The following ZNF670 variants were observed in gnomAD, a reference collection of about 807,000 sequenced individuals.
ZNF670 encodes the protein zinc finger protein 670.
ZNF670 carries 7 observed loss-of-function variants against 10.9 expected under a neutral mutation model. The observed-to-expected ratio is 0.64, with a 90% CI of 0.36 to 1.20. The LOEUF (loss-of-function observed/expected upper bound fraction) is 1.20, where lower values mean the gene tolerates loss of function less well. Ranked by LOEUF, ZNF670 falls within the 50% of genes most tolerant of loss-of-function variation. ZNF670 has a pLI of 0.02. For synonymous variants in ZNF670, 136 were observed against 152.7 expected, an observed-to-expected ratio of 0.89 and a Z score of 0.81; for missense variants, 446 against 458.6, an observed-to-expected ratio of 0.97 and a Z score of 0.25.
chr1:247,051,789 T>G (rs559549504), intron 1 of ZNF670, among the ~76,000 whole-genome samples: 1,577 of 151,764 alleles, frequency 0.01, 20 homozygotes, highest in Non-Finnish European at 0.015. Context: ...TTCATTTTTT[T>G]TTTTTTTTTG....
chr1:247,044,249 G>GA (rs900178570), intron 1 of ZNF670, among the ~76,000 whole-genome samples: 120 of 147,074 alleles, frequency 8.2e-4, no homozygotes, highest in African/African-American at 1.8e-3. Context: ...GAAATAATTG[G>GA]AAAAAAAAAA....
rs1208230551 is a variant in ZNF670, at chr1:247,038,811, T to C, written c.190A>G (p.Ser64Gly). 1 of 1,612,278 alleles carries C rather than the reference T, an allele frequency of 6.2e-7. No individual in the cohort carries two copies. The highest frequency in any genetic ancestry group is 8.5e-7 in the Non-Finnish European group (1 of 1,179,002). Residue 64 changes from serine to glycine, a missense_variant and splice_region_variant, in exon 3 of 4, where the codon AGC (serine) becomes GGC (glycine). Ser to Gly is a moderately conservative substitution (Grantham distance 56, BLOSUM62 0). Transcript: ENST00000366503. ...DDFKNPGRNL[S>G]SHVVERLFEI... is the part of the protein sequence containing the mutation. ...TTTGCTCTTGTGAATGCAAATTACC[T>C]TAGATTTCTCCCAGGATTTTTGAAG... is the stretch of plus-strand genomic sequence containing the variant.
chr1:247,046,504 G>A (rs1252534959), intron 1 of ZNF670, among the ~76,000 whole-genome samples: 5 of 152,198 alleles, frequency 3.3e-5, no homozygotes, highest in African/African-American at 9.6e-5. Flanking sequence ...GGAGGCTTCC[G>A]CTTAGTGTTA....
At chr1:247,054,326 G>A (rs761322721) in intron 1 of ZNF670, among the ~76,000 whole-genome samples, 1 of 152,220 alleles carries the variant, frequency 6.6e-6, no homozygotes. Flanking sequence ...ATGCCAGCTG[G>A]CATGGCTAAG....
At chr1:247,077,997 C>G (rs1156840366) in intron 1 of ZNF670, among the ~76,000 whole-genome samples, 1 of 152,168 alleles carries the variant, frequency 6.6e-6, no homozygotes, top group Non-Finnish European at 1.5e-5. Context: ...CAACCACGAA[C>G]CCACCAATTA....
intron 1 of ZNF670, among the ~76,000 whole-genome samples, chr1:247,058,717 A>AAC (rs1207510895): frequency 6.6e-6 from 1 of 151,770 alleles, no homozygotes; most frequent in Non-Finnish European, 1.5e-5. Flanking sequence ...GTTAAAAAAA[A>AAC]AAAAAAAAAC....
chr1:247,038,572 G>A (rs1477171206), intron 3 of ZNF670, 145 bp from the exon 4 acceptor site: 11 of 829,382 alleles, frequency 1.3e-5, no homozygotes, highest in Non-Finnish European at 2.0e-5. Context: ...GTCCCCCATA[G>A]CTATTATCAT....
intron 1 of ZNF670, among the ~76,000 whole-genome samples, chr1:247,066,781 A>G (rs991909366): frequency 8.5e-5 from 13 of 152,104 alleles, no homozygotes; most frequent in African/African-American, 3.1e-4. Context: ...AACATTTACA[A>G]TCTATTCTTT....
chr1:247,068,527 A>G (rs1405840276), intron 1 of ZNF670, among the ~76,000 whole-genome samples: 1 of 150,550 alleles, frequency 6.6e-6, no homozygotes, highest in Non-Finnish European at 1.5e-5. Flanking sequence ...TGGCAAGAAT[A>G]TGGAGAAAAA....
At position 247,036,556 on chromosome 1, in the gene ZNF670, G is replaced by A. The variant is rs544598190; in HGVS notation, c.*893C>T. Among the ~76,000 whole-genome samples, 66 of 152,244 alleles carry A rather than the reference G, an allele frequency of 4.3e-4. No individual in the cohort carries two copies. In the South Asian group the frequency reaches 0.013, roughly 30 times the overall value. On this transcript the variant is annotated 3_prime_UTR_variant, in exon 4 of 4. Coordinates refer to ENST00000366503, the MANE Select transcript of ZNF670 (RefSeq NM_033213.5). Reference sequence around the variant, plus strand: ...ATGTGTCTGTAGCTCCAGCTACATAGGAGGCTAAGGTGGGAGAATCACTTG... The same window carrying A: ...ATGTGTCTGTAGCTCCAGCTACATAAGAGGCTAAGGTGGGAGAATCACTTG...
At chr1:247,076,686 AGTCTCCCTCT>A (rs1190713697) in intron 1 of ZNF670, among the ~76,000 whole-genome samples, 4 of 140,242 alleles carry the variant, frequency 2.9e-5, no homozygotes, top group African/African-American at 1.1e-4. Flanking sequence ...TTTCAAACTG[AGTCTCCCTCT>A]GTCACCCAGG....
chr1:247,064,517 C>G (rs57498207), intron 1 of ZNF670, among the ~76,000 whole-genome samples: 3 of 152,152 alleles, frequency 2.0e-5, no homozygotes, highest in Non-Finnish European at 2.9e-5. Context: ...TGCATTGAAG[C>G]AGAACTTCGT....
intron 1 of ZNF670, among the ~76,000 whole-genome samples, chr1:247,051,782 ATTTTT>A (rs58493948): frequency 2.2e-5 from 3 of 138,216 alleles, no homozygotes; most frequent in African/African-American, 7.8e-5. Context: ...TTCTTTTTTC[ATTTTT>A]TTTTTTTTTT....
intron 1 of ZNF670, among the ~76,000 whole-genome samples, chr1:247,075,192 A>G (rs1325074109): frequency 6.6e-6 from 1 of 152,206 alleles, no homozygotes; most frequent in Non-Finnish European, 1.5e-5. Flanking sequence ...TATTTCCATG[A>G]TAACAAATCA....
At chr1:247,061,540 T>C (rs58947492) in intron 1 of ZNF670, among the ~76,000 whole-genome samples, 4,078 of 152,098 alleles carry the variant, frequency 0.027, 187 homozygotes, top group African/African-American at 0.091. Flanking sequence ...TAGAAAAAAC[T>C]ATACAACGAT....
At chr1:247,044,379 T>C (rs1342259845) in intron 1 of ZNF670, among the ~76,000 whole-genome samples, 1 of 152,150 alleles carries the variant, frequency 6.6e-6, no homozygotes, top group African/African-American at 2.4e-5. Context: ...AGTTCAGCCA[T>C]TGTGAAAAGC....
chr1:247,043,562 T>G, intron 1 of ZNF670: 2 of 657,606 alleles, frequency 3.0e-6, no homozygotes, highest in Middle Eastern at 6.2e-4. Context: ...TCAACAAAGC[T>G]TCCAAAAGTC....
At chr1:247,058,383 T>G (rs1670769922) in intron 1 of ZNF670, among the ~76,000 whole-genome samples, 1 of 152,126 alleles carries the variant, frequency 6.6e-6, no homozygotes, top group African/African-American at 2.4e-5. Context: ...AAGTGGTGCT[T>G]GGAAGAAATT....
At chr1:247,076,658 C>CTT (rs553387815) in intron 1 of ZNF670, among the ~76,000 whole-genome samples, 8,315 of 139,814 alleles carry the variant, frequency 0.059, 316 homozygotes, top group Middle Eastern at 0.073. Flanking sequence ...AATAAACTCT[C>CTT]TTTTTTTTTT....
Sources: allele counts gnomAD v4.1 joint callset (sites outside exome capture counted in the v4.1 genomes callset), GRCh38; gene constraint gnomAD v4.1.1; transcripts MANE v1.5; gene names NCBI Gene and HGNC (gene_info 2026-07-23, HGNC 2026-07-21).